The following CYTIP variants were observed in gnomAD, a reference collection of about 807,000 sequenced individuals.
The protein encoded by CYTIP is cytohesin 1 interacting protein.
In CYTIP, 26 loss-of-function variants were observed where a neutral mutation model predicts 43.8. The ratio of observed to expected loss-of-function variants is 0.59; its 90% CI spans 0.44 to 0.82. CYTIP has a LOEUF of 0.82. CYTIP is among the 40% of genes least tolerant of loss of function. CYTIP has a pLI of 0.00. For missense variants in CYTIP, 426 were observed against 443.1 expected (o/e 0.96, Z 0.35); for synonymous variants, 162 against 162.9 (o/e 0.99, Z 0.04).
chr2:157,416,245 G>T (rs1031297972), intron 7 of CYTIP, 102 bp from the exon 8 acceptor site: 48 of 980,280 alleles, frequency 4.9e-5, no homozygotes, highest in Non-Finnish European at 6.5e-5. Flanking sequence ...AAAGAGTAAG[G>T]GTGAAAAATA....
At chr2:157,439,441 C>T (rs1200304995) in intron 1 of CYTIP, 1 of 151,314 alleles carries the variant, frequency 6.6e-6, no homozygotes, top group Non-Finnish European at 1.5e-5. Flanking sequence ...AAGGTCTTAT[C>T]AAGGGTTTTG....
intron 3 of CYTIP, among the ~76,000 whole-genome samples, chr2:157,432,413 C>A (rs1381112479): frequency 6.6e-6 from 1 of 152,220 alleles, no homozygotes; most frequent in Non-Finnish European, 1.5e-5. Context: ...TGATCACCTG[C>A]ATTTCTTAGA....
intron 6 of CYTIP, among the ~76,000 whole-genome samples, chr2:157,423,975 C>T (rs565819239): frequency 3.3e-4 from 50 of 152,198 alleles, no homozygotes; most frequent in Admixed American, 8.5e-4. Flanking sequence ...CAGCAAACTT[C>T]GTATAGAAGG....
At position 157,414,957 on chromosome 2, in the gene CYTIP, A is replaced by G. The variant is rs984292112; in HGVS notation, c.*720T>C. 1.3e-5 allele frequency: 2 copies of G among 152,248 alleles called. No individual in the cohort carries two copies. The highest frequency in any genetic ancestry group is 4.8e-5 in the African/African-American group (2 of 41,466). 9.4% of individuals were successfully genotyped at this position (152,248 alleles called of 1,614,324 possible). On this transcript the variant is annotated 3_prime_UTR_variant, in exon 8 of 8. Transcript: ENST00000264192. ...GGATTCGGAGAGTTCTAGACTTGCC[A>G]TTAATGTTCAGGCAGAACAAAAGCT...
chr2:157,417,799 C>A (rs551994646), intron 7 of CYTIP, among the ~76,000 whole-genome samples: 1 of 151,916 alleles, frequency 6.6e-6, no homozygotes, highest in East Asian at 1.9e-4. Context: ...TTGATTATCA[C>A]TTTTAACAGA....
At chr2:157,436,603 A>G (rs566744684) in intron 1 of CYTIP, among the ~76,000 whole-genome samples, 1 of 152,092 alleles carries the variant, frequency 6.6e-6, no homozygotes, top group South Asian at 2.1e-4. Context: ...ATGTATACAT[A>G]TATGTATATA....
chr2:157,415,898 G>C lies in CYTIP; in HGVS notation c.859C>G (p.Pro287Ala). Residue 287 changes from proline to alanine, a missense_variant, in exon 8 of 8, where the codon CCC becomes GCC. Coordinates refer to ENST00000264192, the MANE Select transcript of CYTIP (RefSeq NM_004288.5). ...CTCAGAAAATCATCCCCCTCCTTGG[G>C]GATAAAGCACTCATCATCTGTACTC... ...QTSTDDECFI[P>A]KEGDDFLRRS... 2 of 1,614,138 alleles carry C rather than the reference G, an allele frequency of 1.2e-6. No homozygotes were observed. Among genetic ancestry groups the C allele is most frequent in the Non-Finnish European group, 1.7e-6 (2 of 1,180,024 alleles).
At chr2:157,438,582 T>C (rs1398462182) in intron 1 of CYTIP, among the ~76,000 whole-genome samples, 2 of 152,186 alleles carry the variant, frequency 1.3e-5, no homozygotes, top group African/African-American at 2.4e-5. Flanking sequence ...GTGATGGATA[T>C]GCTAATTACT....
intron 1 of CYTIP, 104 bp downstream of exon 1, chr2:157,443,743 C>T: frequency 3.2e-6 from 4 of 1,253,892 alleles, no homozygotes; most frequent in Non-Finnish European, 4.4e-6. Context: ...GCCAGTAATT[C>T]CAAAGCCTCT....
At chr2:157,421,113 C>A (rs1238330887) in intron 6 of CYTIP, among the ~76,000 whole-genome samples, 1 of 152,206 alleles carries the variant, frequency 6.6e-6, no homozygotes, top group Admixed American at 6.5e-5. Flanking sequence ...TGTAACCAAG[C>A]TTCCCTATTT....
intron 2 of CYTIP, 131 bp downstream of exon 2, chr2:157,434,567 T>C: frequency 2.3e-6 from 2 of 871,196 alleles, no homozygotes; most frequent in Non-Finnish European, 1.8e-6. Context: ...TGTGTGTGTG[T>C]CTGTGTGTGT....
chr2:157,443,208 A>T (rs1051052802), intron 1 of CYTIP, among the ~76,000 whole-genome samples: 1 of 152,178 alleles, frequency 6.6e-6, no homozygotes, highest in African/African-American at 2.4e-5. Context: ...ATAAGAACCC[A>T]ATAAGGGTGG....
chr2:157,428,947 G>A (rs549295491), intron 5 of CYTIP, among the ~76,000 whole-genome samples: 69 of 152,294 alleles, frequency 4.5e-4, no homozygotes, highest in African/African-American at 1.6e-3. Context: ...GACAGATCCT[G>A]GCATCCAGAG....
intron 2 of CYTIP, 47 bp downstream of exon 2, chr2:157,434,651 G>T: frequency 7.0e-7 from 1 of 1,425,648 alleles, no homozygotes; most frequent in Non-Finnish European, 9.9e-7. Context: ...GGAGAGCTAT[G>T]TTCCTAAATA....
rs975796444 is a variant in CYTIP at position 157,443,780 on chromosome 2, G to C, written c.174+67C>G. 4.0e-6 allele frequency: 6 copies of C among 1,506,480 alleles called. No homozygotes were observed. The African/African-American group carries it at 8.2e-5, about 21-fold the overall frequency. 93.3% of individuals were successfully genotyped at this position (1,506,480 alleles called of 1,614,324 possible). ...AAATATCACCATTAGTATGAAGTCA[G>C]ACAAACATATCACTCTGCCCTCAAG... On this transcript the variant is annotated intron_variant, in intron 1 of 7. Coordinates refer to ENST00000264192, the MANE Select transcript of CYTIP (RefSeq NM_004288.5).
At chr2:157,440,294 G>A (rs1411633315) in intron 1 of CYTIP, among the ~76,000 whole-genome samples, 2 of 152,158 alleles carry the variant, frequency 1.3e-5, no homozygotes, top group Admixed American at 1.3e-4. Context: ...AAATAATGGA[G>A]CTGAACTTAA....
chr2:157,442,506 T>C (rs558006418), intron 1 of CYTIP, among the ~76,000 whole-genome samples: 2 of 151,066 alleles, frequency 1.3e-5, no homozygotes, highest in East Asian at 1.9e-4. Flanking sequence ...CCTAATCAAG[T>C]GAACCATAGT....
chr2:157,425,734 A>G (rs1024811200), intron 6 of CYTIP, among the ~76,000 whole-genome samples: 6 of 152,188 alleles, frequency 3.9e-5, no homozygotes, highest in Non-Finnish European at 7.4e-5. Context: ...TGAAAAAGTT[A>G]AACTTTTTTA....
intron 6 of CYTIP, among the ~76,000 whole-genome samples, chr2:157,421,867 A>G (rs1685527245): frequency 6.6e-6 from 1 of 152,226 alleles, no homozygotes; most frequent in Non-Finnish European, 1.5e-5. Context: ...TAGAAACAGG[A>G]CAGACATGCA....
Sources: allele counts gnomAD v4.1 joint callset (sites outside exome capture counted in the v4.1 genomes callset), GRCh38; gene constraint gnomAD v4.1.1; transcripts MANE v1.5; gene names NCBI Gene and HGNC (gene_info 2026-07-23, HGNC 2026-07-21).